The following TBC1D4 variants were observed in gnomAD, a reference collection of about 807,000 sequenced individuals.
TBC1D4 encodes TBC1 domain family member 4, also known as TBC (Tre-2, BUB2, CDC16) domain-containing protein.
Under a neutral mutation model 142.5 loss-of-function variants are expected in TBC1D4, and 121 were observed. The ratio of observed to expected loss-of-function variants is 0.85; its 90% CI spans 0.73 to 0.99. The LOEUF (loss-of-function observed/expected upper bound fraction) is 0.99. Among genes scored for constraint, TBC1D4 ranks in the 50% least tolerant of loss-of-function variants. The pLI is 0.00. For missense variants in TBC1D4, 1,475 were observed against 1,606.6 expected (o/e 0.92, Z 1.40); for synonymous variants, 630 against 628.2 (o/e 1.00, Z -0.04).
chr13:75,311,278 C>T (rs1429281345), intron 13 of TBC1D4, among the ~76,000 whole-genome samples: 3 of 152,146 alleles, frequency 2.0e-5, no homozygotes, highest in African/African-American at 7.2e-5. Context: ...GACTCCAGAG[C>T]TTCGTCATTC....
intron 1 of TBC1D4, among the ~76,000 whole-genome samples, chr13:75,476,341 T>G (rs141975652): frequency 1.3e-5 from 2 of 152,364 alleles, no homozygotes; most frequent in African/African-American, 4.8e-5. Context: ...TTTAATAATT[T>G]TGTGTGTTTT....
At chr13:75,309,587 G>C (rs908704059) in intron 14 of TBC1D4, among the ~76,000 whole-genome samples, 1 of 152,050 alleles carries the variant, frequency 6.6e-6, no homozygotes, top group Non-Finnish European at 1.5e-5. Flanking sequence ...CATATTTAAG[G>C]ATTTTTTAGA....
At chr13:75,289,163 A>G in intron 19 of TBC1D4, 53 bp from the exon 20 acceptor site, 1 of 1,592,312 alleles carries the variant, frequency 6.3e-7, no homozygotes, top group Non-Finnish European at 8.6e-7. Context: ...ATAACAAGAT[A>G]CAGCCTGTTT....
intron 1 of TBC1D4, among the ~76,000 whole-genome samples, chr13:75,411,084 C>G (rs1885639183): frequency 1.3e-5 from 2 of 151,902 alleles, no homozygotes; most frequent in Admixed American, 1.3e-4. Flanking sequence ...CCGAAAGAAC[C>G]CAAACGTTAC....
At chr13:75,426,885 CAAA>C (rs56281309) in intron 1 of TBC1D4, among the ~76,000 whole-genome samples, 2 of 137,934 alleles carry the variant, frequency 1.4e-5, no homozygotes, top group Non-Finnish European at 1.6e-5. Flanking sequence ...GGAAAAAATA[CAAA>C]AAAAAAAAAA....
At chr13:75,333,413 C>T (rs1879925306) in intron 8 of TBC1D4, among the ~76,000 whole-genome samples, 1 of 152,118 alleles carries the variant, frequency 6.6e-6, no homozygotes. Flanking sequence ...TAAAAAAACA[C>T]CCTGGGTGGG....
intron 8 of TBC1D4, among the ~76,000 whole-genome samples, chr13:75,336,063 G>T (rs1003852416): frequency 5.9e-5 from 9 of 151,930 alleles, no homozygotes; most frequent in East Asian, 5.8e-4. Flanking sequence ...TCAAATAAAG[G>T]CCCCAGAATA....
At chr13:75,431,028 C>T (rs961143643) in intron 1 of TBC1D4, among the ~76,000 whole-genome samples, 2 of 152,152 alleles carry the variant, frequency 1.3e-5, no homozygotes, top group Non-Finnish European at 1.5e-5. Flanking sequence ...AATGAACACT[C>T]CTGGCAAGCT....
Position 75,362,946 on chromosome 13 carries a change from C to T in TBC1D4, c.499-339G>A, listed in dbSNP as rs1451367977. On this transcript the variant is annotated intron_variant, in intron 1 of 20. Coordinates refer to ENST00000377636, the MANE Select transcript of TBC1D4 (RefSeq NM_014832.5). The surrounding 1 kb of genome is among the most constrained non-coding windows in gnomAD (Gnocchi z 4.2). ...TGTTTAAAAGTTATTTGTGCCTCAG[C>T]TGAAAGGAACCAAAGTTCCAACCAT... Among the ~76,000 whole-genome samples the T allele has an allele frequency of 1.3e-5, 2 of 152,150 alleles. No homozygotes were observed. Among genetic ancestry groups the T allele is most frequent in the Non-Finnish European group, 2.9e-5 (2 of 68,032 alleles).
intron 13 of TBC1D4, 113 bp downstream of exon 13, chr13:75,312,625 A>G (rs777123315): frequency 2.3e-4 from 322 of 1,405,740 alleles, no homozygotes; most frequent in Non-Finnish European, 3.0e-4. Context: ...TCACATACAG[A>G]AAGATATTTC....
At chr13:75,429,146 T>C (rs1463104435) in intron 1 of TBC1D4, among the ~76,000 whole-genome samples, 2 of 152,206 alleles carry the variant, frequency 1.3e-5, no homozygotes, top group African/African-American at 2.4e-5. Flanking sequence ...CAAATGTATG[T>C]TTTCAAATCG....
intron 1 of TBC1D4, among the ~76,000 whole-genome samples, chr13:75,450,863 C>A (rs1294677936): frequency 6.6e-6 from 1 of 152,082 alleles, no homozygotes; most frequent in Non-Finnish European, 1.5e-5. Context: ...TATCTAGGGC[C>A]CACTGTGAGC....
At chr13:75,410,004 T>C (rs1885548962) in intron 1 of TBC1D4, among the ~76,000 whole-genome samples, 1 of 152,342 alleles carries the variant, frequency 6.6e-6, no homozygotes, top group South Asian at 2.1e-4. Flanking sequence ...GTTCACCAAA[T>C]TTGTTTATCT....
Position 75,481,773 on chromosome 13 carries a change from T to G in TBC1D4, c.-6A>C, listed in dbSNP as rs552423349. The G allele has an allele frequency of 1.2e-5, 18 of 1,555,626 alleles. No individual in the cohort carries two copies. The highest frequency in any genetic ancestry group is 1.4e-5 in the Non-Finnish European group (16 of 1,158,220). ...ATGCAGCTGGGCGGCTCCATAACTC[T>G]CGCCTCACCAGGGCACCGCGGAGGC... On this transcript the variant is annotated 5_prime_UTR_variant, in exon 1 of 21. Coordinates refer to ENST00000377636, the MANE Select transcript of TBC1D4 (RefSeq NM_014832.5).
intron 1 of TBC1D4, among the ~76,000 whole-genome samples, chr13:75,370,233 G>A (rs527801084): frequency 3.9e-5 from 6 of 152,294 alleles, no homozygotes; most frequent in African/African-American, 7.2e-5. Flanking sequence ...GTGAGCACGC[G>A]ATTATGGGGG....
intron 8 of TBC1D4, among the ~76,000 whole-genome samples, chr13:75,333,508 G>A (rs1879935432): frequency 6.6e-6 from 1 of 152,130 alleles, no homozygotes; most frequent in South Asian, 2.1e-4. Flanking sequence ...AAATGCAGAG[G>A]CAAGTTATAA....
At chr13:75,397,919 C>T (rs147835356) in intron 1 of TBC1D4, among the ~76,000 whole-genome samples, 4 of 152,290 alleles carry the variant, frequency 2.6e-5, no homozygotes, top group African/African-American at 4.8e-5. Context: ...CTCTTCAAGC[C>T]GAGGTACTAA....
intron 1 of TBC1D4, among the ~76,000 whole-genome samples, chr13:75,436,894 T>A (rs187993778): frequency 3.9e-4 from 60 of 152,310 alleles, no homozygotes; most frequent in Admixed American, 1.8e-3. Context: ...CATATTGACA[T>A]CTCATGCCTC....
rs578251656 is a variant in TBC1D4, at chr13:75,363,527, A to T, written c.499-920T>A. ...TAACCATAGCACCTGTTTATGACCT[A>T]AAAACTCCCTCCCTGCTTTGAGTCT... is the stretch of plus-strand genomic sequence containing the variant. On this transcript the variant is annotated intron_variant, in intron 1 of 20. Transcript: ENST00000377636. Among the ~76,000 whole-genome samples the T allele has an allele frequency of 6.6e-5, 10 of 152,332 alleles. No individual in the cohort carries two copies. The South Asian group carries it at 1.9e-3, about 28-fold the overall frequency.
Sources: allele counts gnomAD v4.1 joint callset (sites outside exome capture counted in the v4.1 genomes callset), GRCh38; gene constraint gnomAD v4.1.1; non-coding constraint Gnocchi (gnomAD v3.1); transcripts MANE v1.5; gene names NCBI Gene and HGNC (gene_info 2026-07-23, HGNC 2026-07-21).